CSMD1: variants seen among roughly 807,000 people sequenced by gnomAD.
CSMD1 encodes CUB and Sushi multiple domains 1.
In CSMD1, 213 loss-of-function variants were observed where a neutral mutation model predicts 417.5. The observed-to-expected ratio is 0.51, with a 90% CI of 0.46 to 0.57. CSMD1 has a LOEUF of 0.57. Among genes scored for constraint, CSMD1 ranks in the 20% least tolerant of loss-of-function variants. The pLI is 0.00. For missense variants in CSMD1, 6,923 were observed against 4,529.7 expected (o/e 1.53, Z -15.17); for synonymous variants, 2,862 against 1,736.8 (o/e 1.65, Z -16.11).
chr8:3,947,181 C>A (rs967616293), intron 5 of CSMD1, among the ~76,000 whole-genome samples: 5 of 152,160 alleles, frequency 3.3e-5, no homozygotes, highest in African/African-American at 1.2e-4. Context: ...ATGCCCTTTA[C>A]TGGGTTCAGG....
At chr8:3,844,412 A>C (rs1040370287) in intron 5 of CSMD1, among the ~76,000 whole-genome samples, 30 of 152,204 alleles carry the variant, frequency 2.0e-4, no homozygotes, top group African/African-American at 7.2e-4. Context: ...TTGACAAAGA[A>C]TAATTCTAGA....
intron 7 of CSMD1, among the ~76,000 whole-genome samples, chr8:3,629,199 G>A (rs979896164): frequency 6.6e-6 from 1 of 152,090 alleles, no homozygotes; most frequent in African/African-American, 2.4e-5. Context: ...AAGGGGAACA[G>A]CTTCAACTGA....
chr8:3,014,240 A>C (rs1018980583), intron 52 of CSMD1, among the ~76,000 whole-genome samples: 3 of 148,912 alleles, frequency 2.0e-5, no homozygotes, highest in African/African-American at 7.8e-5. Flanking sequence ...TATCCATCTC[A>C]TAACAATATT....
At chr8:3,417,978 G>C (rs1055835626) in intron 12 of CSMD1, among the ~76,000 whole-genome samples, 1 of 152,180 alleles carries the variant, frequency 6.6e-6, no homozygotes, top group Non-Finnish European at 1.5e-5. Flanking sequence ...GTCACCATCA[G>C]TGACATAAGC....
chr8:3,973,271 G>C (rs554363046), intron 5 of CSMD1, among the ~76,000 whole-genome samples: 16 of 152,258 alleles, frequency 1.1e-4, no homozygotes, highest in South Asian at 6.2e-4. Flanking sequence ...TTGGTCATGA[G>C]CCTCTTTAGG....
At chr8:4,639,069 G>C (rs994579176) in intron 1 of CSMD1, among the ~76,000 whole-genome samples, 2 of 152,154 alleles carry the variant, frequency 1.3e-5, no homozygotes, top group African/African-American at 4.8e-5. Flanking sequence ...TTTACCACTA[G>C]ACAAACTGAA....
intron 12 of CSMD1, among the ~76,000 whole-genome samples, chr8:3,437,560 C>G (rs532748020): frequency 6.6e-6 from 1 of 152,216 alleles, no homozygotes; most frequent in African/African-American, 2.4e-5. Context: ...CAGGGAAAAA[C>G]TGGACTGCAG....
intron 5 of CSMD1, among the ~76,000 whole-genome samples, chr8:3,935,338 G>C (rs1020294571): frequency 8.5e-5 from 13 of 152,114 alleles, no homozygotes; most frequent in Admixed American, 3.9e-4. Flanking sequence ...GTGATACTTG[G>C]TTGTTTCACT....
At chr8:2,968,185 C>G (rs1345844983) in intron 57 of CSMD1, among the ~76,000 whole-genome samples, 2 of 152,132 alleles carry the variant, frequency 1.3e-5, no homozygotes, top group Non-Finnish European at 2.9e-5. Flanking sequence ...TTGGACTATC[C>G]AAGACAACTA....
chr8:3,841,587 T>A (rs929343978), intron 5 of CSMD1, among the ~76,000 whole-genome samples: 1 of 152,016 alleles, frequency 6.6e-6, no homozygotes, highest in Non-Finnish European at 1.5e-5. Context: ...TCACCAAATA[T>A]TAGCACTAGA....
intron 1 of CSMD1, among the ~76,000 whole-genome samples, chr8:4,881,434 T>A (rs1803390033): frequency 2.2e-5 from 1 of 46,054 alleles, no homozygotes; most frequent in Non-Finnish European, 6.6e-5. Flanking sequence ...TATCTATCTA[T>A]CTATCTATCT....
chr8:2,967,637 T>G (rs1023402755), intron 57 of CSMD1, among the ~76,000 whole-genome samples: 1 of 152,180 alleles, frequency 6.6e-6, no homozygotes, highest in East Asian at 1.9e-4. Context: ...ATAAAGGAAG[T>G]GACCCTTGGC....
intron 3 of CSMD1, among the ~76,000 whole-genome samples, chr8:4,310,123 C>T (rs1017098623): frequency 6.6e-6 from 1 of 152,144 alleles, no homozygotes; most frequent in Non-Finnish European, 1.5e-5. Context: ...CCCATTCATC[C>T]CTGCTCCTAG....
intron 3 of CSMD1, among the ~76,000 whole-genome samples, chr8:4,107,109 T>G (rs550780754): frequency 6.6e-5 from 10 of 152,168 alleles, no homozygotes; most frequent in African/African-American, 2.4e-4. Flanking sequence ...ACGACAGAAA[T>G]GAGGACTAAC....
At chr8:3,919,065 C>A (rs1293414444) in intron 5 of CSMD1, among the ~76,000 whole-genome samples, 1 of 151,780 alleles carries the variant, frequency 6.6e-6, no homozygotes, top group Non-Finnish European at 1.5e-5. Flanking sequence ...AAAATTTTCT[C>A]CCATTCCATA....
chr8:3,001,900 G>T (rs1173556809), intron 52 of CSMD1, among the ~76,000 whole-genome samples: 2 of 152,146 alleles, frequency 1.3e-5, no homozygotes, highest in African/African-American at 4.8e-5. Flanking sequence ...CTTCTAGGGA[G>T]ATTTAAAATC....
intron 1 of CSMD1, among the ~76,000 whole-genome samples, chr8:4,826,395 A>G (rs1799828841): frequency 6.6e-6 from 1 of 152,188 alleles, no homozygotes; most frequent in African/African-American, 2.4e-5. Context: ...CATATGCAAC[A>G]GCATGGATGA....
In CSMD1 at chr8:4,589,296, A is replaced by G. The variant is rs148190652; in HGVS notation, c.302+48046T>C. Reference sequence around the variant, plus strand: ...TTTTGCCTCTGCATATATTATGCCAATAAGAATGATGCCTCAGTGATCTTT... The same window carrying G: ...TTTTGCCTCTGCATATATTATGCCAGTAAGAATGATGCCTCAGTGATCTTT... On this transcript the variant is annotated intron_variant, in intron 2 of 69. Transcript: ENST00000635120. Among the ~76,000 whole-genome samples, 851 of 152,330 alleles carry G rather than the reference A, an allele frequency of 5.6e-3. 10 individuals are homozygous for G. The highest frequency in any genetic ancestry group is 0.02 in the African/African-American group (828 of 41,582).
chr8:3,296,333 G>A (rs1803962935), intron 25 of CSMD1, among the ~76,000 whole-genome samples: 1 of 151,926 alleles, frequency 6.6e-6, no homozygotes, highest in East Asian at 2.0e-4. Flanking sequence ...AGGACAGCCA[G>A]GAGCCAGTGC....
Sources: allele counts gnomAD v4.1 joint callset (sites outside exome capture counted in the v4.1 genomes callset), GRCh38; gene constraint gnomAD v4.1.1; transcripts MANE v1.5; gene names NCBI Gene and HGNC (gene_info 2026-07-23, HGNC 2026-07-21).